The following ATP13A5 variants were observed in gnomAD, a reference collection of about 807,000 sequenced individuals.
ATP13A5 encodes probable cation-transporting ATPase 13A5.
In ATP13A5, 149 loss-of-function variants were observed where a neutral mutation model predicts 150.2. The ratio of observed to expected loss-of-function variants is 0.99; its 90% CI spans 0.87 to 1.14. The LOEUF is 1.14. Ranked by LOEUF, ATP13A5 falls within the 50% of genes most tolerant of loss-of-function variation. The pLI is 0.00. For missense variants in ATP13A5, 1,383 were observed against 1,449.3 expected, an observed-to-expected ratio of 0.95 and a Z score of 0.74; for synonymous variants, 497 against 522.2, an observed-to-expected ratio of 0.95 and a Z score of 0.66.
intron 1 of ATP13A5, 130 bp downstream of exon 1, chr3:193,378,533 C>T: frequency 2.5e-6 from 2 of 813,200 alleles, no homozygotes; most frequent in South Asian, 3.5e-5. Flanking sequence ...GGAACCTTAC[C>T]AGACTGAAAC....
chr3:193,377,824 A>G (rs1400165133), intron 1 of ATP13A5, among the ~76,000 whole-genome samples: 2 of 152,158 alleles, frequency 1.3e-5, no homozygotes, highest in East Asian at 3.8e-4. Context: ...TTCATTGTCT[A>G]GCTGGAGCCA....
At position 193,311,807 on chromosome 3, in the gene ATP13A5, A is replaced by G; in HGVS notation, c.2445+9T>C. 1 of 1,613,534 alleles carries G rather than the reference A, an allele frequency of 6.2e-7. No individual in the cohort carries two copies. Among genetic ancestry groups the G allele is most frequent in the Non-Finnish European group, 8.5e-7 (1 of 1,179,718 alleles). Reference sequence around the variant, plus strand: ...AGCAAAACAAAACACTTCTTTCTTCAGTACTTACTTTTGGAAGCAAGCTGT... The same window carrying G: ...AGCAAAACAAAACACTTCTTTCTTCGGTACTTACTTTTGGAAGCAAGCTGT... On this transcript the variant is annotated intron_variant, in intron 20 of 29. Transcript: ENST00000342358.
At chr3:193,302,695 G>C (rs897670746) in intron 23 of ATP13A5, among the ~76,000 whole-genome samples, 1 of 152,144 alleles carries the variant, frequency 6.6e-6, no homozygotes, top group Non-Finnish European at 1.5e-5. Flanking sequence ...CTGCCCTAAA[G>C]GACTTGAACT....
intron 2 of ATP13A5, among the ~76,000 whole-genome samples, chr3:193,363,722 A>G (rs904960224): frequency 6.6e-6 from 1 of 152,248 alleles, no homozygotes; most frequent in Non-Finnish European, 1.5e-5. Flanking sequence ...AGTGACATCT[A>G]GGTGCTTAAA....
chr3:193,316,526 G>A (rs569153107), intron 17 of ATP13A5, among the ~76,000 whole-genome samples: 2 of 152,250 alleles, frequency 1.3e-5, no homozygotes, highest in Admixed American at 1.3e-4. Flanking sequence ...TTACAGGTAT[G>A]AGGTGGTATT....
chr3:193,282,838 A>G (rs895767294), intron 27 of ATP13A5, among the ~76,000 whole-genome samples: 10 of 152,240 alleles, frequency 6.6e-5, no homozygotes, highest in Non-Finnish European at 1.5e-4. Flanking sequence ...TTCCCAAAGT[A>G]TCAAAATCCC....
intron 17 of ATP13A5, among the ~76,000 whole-genome samples, chr3:193,318,055 G>A (rs930044513): frequency 6.6e-6 from 1 of 152,216 alleles, no homozygotes; most frequent in African/African-American, 2.4e-5. Flanking sequence ...TTCAAAATAA[G>A]CTTTGTGATC....
At chr3:193,322,378 G>T in intron 15 of ATP13A5, 113 bp downstream of exon 15, 1 of 818,256 alleles carries the variant, frequency 1.2e-6, no homozygotes, top group South Asian at 1.6e-5. Flanking sequence ...AACCAACCGT[G>T]GAAACTGTTA....
At position 193,284,961 on chromosome 3, in the gene ATP13A5, A is replaced by C. The variant is rs755079721; in HGVS notation, c.3179T>G (p.Phe1060Cys). Residue 1060 changes from phenylalanine (F) to cysteine (C), a missense_variant, in exon 27 of 30, where the codon TTC becomes TGC. By Grantham distance (205) the Phe-to-Cys change is radical. Around this residue, in one of 3 missense-constraint regions of ATP13A5, gnomAD observed 568 missense variants for 621.5 expected, o/e 0.91. Coordinates refer to ENST00000342358, the MANE Select transcript of ATP13A5 (RefSeq NM_198505.4). ...ITTINYITVA[F>C]IFSKGKPFRK... is the part of the protein sequence containing the mutation. ...AAATGGCTTTCCCTTAGAAAAGATG[A>C]ATGCTACTGTGATATAGTTGATGGT... The C allele has an allele frequency of 5.6e-6, 9 of 1,614,058 alleles. No homozygotes were observed. In the Admixed American group the frequency reaches 1.3e-4, roughly 24 times the overall value.
At chr3:193,310,741 C>T in intron 20 of ATP13A5, 24 bp from the exon 21 acceptor site, 1 of 1,557,004 alleles carries the variant, frequency 6.4e-7, no homozygotes, top group Non-Finnish European at 8.7e-7. Flanking sequence ...ACAACCATTG[C>T]AATATGATTG....
At chr3:193,311,984 G>T (rs964335108) in intron 19 of ATP13A5, 43 bp from the exon 20 acceptor site, 7 of 1,601,882 alleles carry the variant, frequency 4.4e-6, no homozygotes, top group Non-Finnish European at 6.0e-6. Context: ...CTCCTAAGGA[G>T]TGTCTCTGCT....
rs765570766 is a variant in ATP13A5, at chr3:193,279,373, C to A, written c.3308G>T (p.Gly1103Val). The A allele has an allele frequency of 1.9e-6, 3 of 1,613,180 alleles. No homozygotes were observed. The highest frequency in any genetic ancestry group is 1.7e-5 in the Admixed American group (1 of 60,014). ...CAAATGAATGCCACTTACCTCCATT[C>A]CACGGTATATAACTTGAAAGTCAGA... is the stretch of plus-strand genomic sequence containing the variant. ...LFSDFQVIYR[G>V]MELIPTITSW... The change falls in exon 28 of 30, where the codon GGA becomes GTA. Residue 1103 changes from glycine to valine, a missense_variant. Physicochemically the swap from Gly to Val is moderately radical, Grantham distance 109 (BLOSUM62 -3). Coordinates refer to ENST00000342358, the MANE Select transcript of ATP13A5 (RefSeq NM_198505.4).
At chr3:193,336,492 A>AT (rs1276525209) in intron 9 of ATP13A5, among the ~76,000 whole-genome samples, 2 of 151,820 alleles carry the variant, frequency 1.3e-5, no homozygotes, top group South Asian at 2.1e-4. Context: ...GTGGTGTTTG[A>AT]TTTTTTGTCC....
intron 25 of ATP13A5, among the ~76,000 whole-genome samples, chr3:193,294,506 C>A (rs1200242274): frequency 1.3e-5 from 2 of 152,034 alleles, no homozygotes; most frequent in Non-Finnish European, 1.5e-5. Flanking sequence ...TTTAGATTTT[C>A]TCTGTAATGT....
chr3:193,347,524 C>CTTTTCTTTTT (rs72383894), intron 7 of ATP13A5, among the ~76,000 whole-genome samples: 7 of 145,380 alleles, frequency 4.8e-5, no homozygotes, highest in African/African-American at 7.9e-5. Context: ...CCTTAGATTT[C>CTTTTCTTTTT]TTTTTTTTTT....
At chr3:193,314,733 G>T (rs1469531819) in intron 18 of ATP13A5, among the ~76,000 whole-genome samples, 3 of 152,200 alleles carry the variant, frequency 2.0e-5, no homozygotes, top group Non-Finnish European at 4.4e-5. Flanking sequence ...GCACCGCACA[G>T]ATCCTGGCTG....
intron 17 of ATP13A5, among the ~76,000 whole-genome samples, chr3:193,315,957 TC>T (rs1719036966): frequency 2.0e-5 from 3 of 152,002 alleles, no homozygotes; most frequent in Non-Finnish European, 4.4e-5. Flanking sequence ...ACTTCCTATT[TC>T]CCCCTCCCCC....
At chr3:193,358,117 C>T (rs1208336851) in intron 5 of ATP13A5, among the ~76,000 whole-genome samples, 3 of 126,156 alleles carry the variant, frequency 2.4e-5, no homozygotes, top group African/African-American at 5.3e-5. Flanking sequence ...CAAACTACAC[C>T]TATTTTTTGC....
At chr3:193,327,986 T>G (rs1398976844) in intron 12 of ATP13A5, among the ~76,000 whole-genome samples, 4 of 152,268 alleles carry the variant, frequency 2.6e-5, no homozygotes, top group Non-Finnish European at 5.9e-5. Context: ...CTGAATTTTC[T>G]AGTTTTCTAT....
Sources: allele counts gnomAD v4.1 joint callset (sites outside exome capture counted in the v4.1 genomes callset), GRCh38; gene constraint gnomAD v4.1.1; regional missense constraint gnomAD v4.1.1; transcripts MANE v1.5; gene names NCBI Gene and HGNC (gene_info 2026-07-23, HGNC 2026-07-21).